NARS1: variants seen among roughly 807,000 people sequenced by gnomAD.
NARS1 encodes asparaginyl-tRNA synthetase 1.
In NARS1, 65 loss-of-function variants were observed where a neutral mutation model predicts 79.2. The ratio of observed to expected loss-of-function variants is 0.82; its 90% confidence interval spans 0.67 to 1.01. The LOEUF is 1.01. Among genes scored for constraint, NARS1 ranks in the 50% least tolerant of loss-of-function variants. The pLI is 0.00. For missense variants in NARS1, 649 were observed against 673.8 expected (o/e 0.96, Z 0.41); for synonymous variants, 229 against 238.8 (o/e 0.96, Z 0.38).
Position 57,602,949 on chromosome 18 carries a change from G to A in NARS1, c.1252-6C>T, listed in dbSNP as rs1459557240. The A allele has an allele frequency of 1.2e-6, 2 of 1,613,716 alleles. No homozygotes were observed. The highest frequency in any genetic ancestry group is 2.7e-5 in the African/African-American group (2 of 74,882). ...TCAGGAGCTTCTGGGATATCCTGAG[G>A]TCAAACAAGACTTCATTAACATTTA... On this transcript the variant is annotated splice_region_variant and splice_polypyrimidine_tract_variant and intron_variant, in intron 11 of 13. Coordinates refer to ENST00000256854, the MANE Select transcript of NARS1 (RefSeq NM_004539.4).
At chr18:57,605,542 G>A (rs1425036771) in intron 11 of NARS1, among the ~76,000 whole-genome samples, 1 of 150,340 alleles carries the variant, frequency 6.7e-6, no homozygotes, top group Admixed American at 6.7e-5. Context: ...AGGAGGCGGA[G>A]GTTGCAGTGA....
In NARS1 at chr18:57,607,306, G is replaced by C. The variant is rs774698972; in HGVS notation, c.829C>G (p.Gln277Glu). Residue 277 changes from glutamine (Q) to glutamate (E), a missense_variant, in exon 9 of 14, where the codon CAA becomes GAA. By Grantham distance (29) the Gln-to-Glu change is conservative (BLOSUM62 2). Coordinates refer to ENST00000256854, the MANE Select transcript of NARS1 (RefSeq NM_004539.4). ...EVTPPTLVQT[Q>E]VEGGATLFKL... ...AAGAGTGTGGCACCACCTTCTACTT[G>C]TGTTTGCACTAATGTTGGAGGAGTA... The C allele has an allele frequency of 3.7e-6, 6 of 1,614,122 alleles. No individual in the cohort carries two copies. The highest frequency in any genetic ancestry group is 5.1e-6 in the Non-Finnish European group (6 of 1,180,016).
intron 8 of NARS1, 50 bp from the exon 9 acceptor site, chr18:57,607,383 A>G (rs779729884): frequency 1.2e-6 from 2 of 1,610,572 alleles, no homozygotes; most frequent in East Asian, 2.2e-5. Context: ...GAGCACCACT[A>G]TTCAAGTTTC....
At chr18:57,607,034 GT>G (rs1268256784) in intron 9 of NARS1, 99 bp downstream of exon 9, 7 of 1,274,014 alleles carry the variant, frequency 5.5e-6, no homozygotes, top group Non-Finnish European at 7.6e-6. Context: ...TAATATATCA[GT>G]TGGTTTTTTT....
chr18:57,602,673 GA>G, intron 12 of NARS1, 138 bp downstream of exon 12: 1 of 1,270,368 alleles, frequency 7.9e-7, no homozygotes, highest in African/African-American at 1.5e-5. Flanking sequence ...AGGGGAGGGT[GA>G]AAAAACCCAA....
In NARS1 at chr18:57,601,756, C is replaced by G; in HGVS notation, c.1543G>C (p.Gly515Arg). 1 of 1,613,530 alleles carries G rather than the reference C, an allele frequency of 6.2e-7. No homozygotes were observed. The highest frequency in any genetic ancestry group is 8.5e-7 in the Non-Finnish European group (1 of 1,179,496). Residue 515 changes from glycine (G) to arginine (R), a missense_variant, in exon 14 of 14, where the codon GGA becomes CGA. Transcript: ENST00000256854. ...AATCGTTCCAAGCCCAAGCCATATC[C>G]TCCATGGGGACATGTACCGTATTTT... Reference protein sequence around the residue: ...QRKYGTCPHGGYGLGLERFLT... With the variant: ...QRKYGTCPHGRYGLGLERFLT...
intron 10 of NARS1, 84 bp from the exon 11 acceptor site, chr18:57,606,054 A>G (rs886700707): frequency 8.9e-5 from 81 of 913,396 alleles, no homozygotes; most frequent in Non-Finnish European, 1.3e-4. Flanking sequence ...AAACTATTAT[A>G]AAGTATTACT....
Position 57,615,873 on chromosome 18 carries a change from T to A in NARS1, c.196A>T (p.Ile66Phe). 5 of 1,613,614 alleles carry A rather than the reference T, an allele frequency of 3.1e-6. No individual in the cohort carries two copies. Among genetic ancestry groups the A allele is most frequent in the Non-Finnish European group, 3.4e-6 (4 of 1,179,846 alleles). The change falls in exon 3 of 14, where the codon ATT becomes TTT. Residue 66 changes from isoleucine to phenylalanine, a missense_variant. Transcript: ENST00000256854. Reference protein sequence around the residue: ...NVISKSQLKNIKKMWHREQMK... With the variant: ...NVISKSQLKNFKKMWHREQMK... ...TGTTCCCTATGCCACATCTTTTTAA[T>A]GTTCTTCAACTGTGATTTAGAAATA...
At chr18:57,605,039 G>A (rs573807710) in intron 11 of NARS1, among the ~76,000 whole-genome samples, 6 of 149,614 alleles carry the variant, frequency 4.0e-5, no homozygotes, top group South Asian at 2.1e-4. Flanking sequence ...CTTCTTTCTC[G>A]CCTTCCACAT....
At chr18:57,604,590 C>A (rs915729241) in intron 11 of NARS1, among the ~76,000 whole-genome samples, 3 of 152,168 alleles carry the variant, frequency 2.0e-5, no homozygotes, top group African/African-American at 7.2e-5. Flanking sequence ...GAGGGCCTAG[C>A]ATAGTCTTGG....
chr18:57,616,151 G>A, intron 2 of NARS1, 176 bp from the exon 3 acceptor site: 1 of 600,040 alleles, frequency 1.7e-6, no homozygotes, highest in Non-Finnish European at 2.8e-6. Context: ...GGTTGGCTGG[G>A]CGCGGTGGCT....
rs1480050875 is a variant in NARS1 at position 57,603,035 on chromosome 18, T to A, written c.1252-92A>T. 3.9e-6 allele frequency: 5 copies of A among 1,274,902 alleles called. 1 individual carries two copies. In the East Asian group the frequency reaches 1.2e-4, roughly 30 times the overall value. 79.0% of individuals were successfully genotyped at this position (1,274,902 alleles called of 1,614,324 possible). A position where few individuals can be genotyped will look rare whatever the true frequency, so the allele number is the denominator to read the frequency against. On this transcript the variant is annotated intron_variant, in intron 11 of 13. Transcript: ENST00000256854. ...CACCCTGTACCAGTCCTTCCTCCTA[T>A]CAATTCAACAGAGTAGAGGATACAC...
chr18:57,607,065 A>G, intron 9 of NARS1, 69 bp downstream of exon 9: 2 of 1,429,610 alleles, frequency 1.4e-6, no homozygotes, highest in Admixed American at 4.4e-5. Context: ...AACATAATTT[A>G]CCTACACTAA....
intron 1 of NARS1, 145 bp downstream of exon 1, chr18:57,621,563 T>TCC: frequency 3.3e-6 from 1 of 300,804 alleles, no homozygotes; most frequent in Admixed American, 3.7e-5. Flanking sequence ...GCCAGCACCC[T>TCC]CCCTCCCTCC....
chr18:57,610,289 TG>T lies in NARS1; in HGVS notation c.493-847del, dbSNP rs561322554. Reference sequence around the variant, plus strand: ...GAGTTCAAGACCAGCCTGGCCAACATGGCAAAAACCTGTCTCTACTAAAAAT... The same window carrying T: ...GAGTTCAAGACCAGCCTGGCCAACATGCAAAAACCTGTCTCTACTAAAAAT... On this transcript the variant is annotated intron_variant, in intron 6 of 13. Coordinates refer to ENST00000256854, the MANE Select transcript of NARS1 (RefSeq NM_004539.4). Among the ~76,000 whole-genome samples the T allele has an allele frequency of 2.1e-3, 326 of 152,172 alleles. 1 individual carries two copies. Among genetic ancestry groups the T allele is most frequent in the Admixed American group, 4.6e-3 (70 of 15,290 alleles).
chr18:57,617,482 G>GA (rs1205175115), intron 2 of NARS1, among the ~76,000 whole-genome samples: 1 of 149,300 alleles, frequency 6.7e-6, no homozygotes, highest in Non-Finnish European at 1.5e-5. Flanking sequence ...TGAGGCAGGA[G>GA]AATGGCGTGA....
chr18:57,602,467 T>C lies in NARS1; in HGVS notation c.1403A>G (p.Asn468Ser), dbSNP rs182629969. Reference protein sequence around the residue: ...LTESVDVLMPNVGEIVGGSMR... With the variant: ...LTESVDVLMPSVGEIVGGSMR... ...TGAGCCTCCCACAATCTCACCAACA[T>C]TGGGCATCAACACGTCGACCTTTAA... The change falls in exon 13 of 14, where the codon AAT (asparagine) becomes AGT (serine). Residue 468 changes from asparagine (N) to serine (S), a missense_variant. Transcript: ENST00000256854. 121 of 1,613,766 alleles carry C rather than the reference T, an allele frequency of 7.5e-5. No individual in the cohort carries two copies. The East Asian group carries it at 2.2e-3, about 29-fold the overall frequency.
chr18:57,601,584 T>G lies in NARS1; in HGVS notation c.*68A>C. On this transcript the variant is annotated 3_prime_UTR_variant, in exon 14 of 14. Transcript: ENST00000256854. Reference sequence around the variant, plus strand: ...GAAACAAAAAAAGGAAGATTCTGGCTTTTTGTTTTCTTTTTTAAAGAGCCT... The same window carrying G: ...GAAACAAAAAAAGGAAGATTCTGGCGTTTTGTTTTCTTTTTTAAAGAGCCT... 1 of 1,461,642 alleles carries G rather than the reference T, an allele frequency of 6.8e-7. No homozygotes were observed. The highest frequency in any genetic ancestry group is 9.2e-7 in the Non-Finnish European group (1 of 1,083,786). 90.5% of individuals were successfully genotyped at this position (1,461,642 alleles called of 1,614,324 possible).
Position 57,605,837 on chromosome 18 carries a change from TGA to T in NARS1, c.1251+18_1251+19del, listed in dbSNP as rs756055309. On this transcript the variant is annotated intron_variant, in intron 11 of 13. Transcript: ENST00000256854. ...GAGCCCAATCCCACCTTGGAAACAATGAGAGAAAGGGATACATACTTCTCCAA... is the reference window on the plus strand; with the variant it reads ...GAGCCCAATCCCACCTTGGAAACAATGAGAAAGGGATACATACTTCTCCAA... The T allele has an allele frequency of 6.6e-7, 1 of 1,509,420 alleles. No individual in the cohort carries two copies. Among genetic ancestry groups the T allele is most frequent in the Non-Finnish European group, 9.1e-7 (1 of 1,096,646 alleles). The allele number at this position is 1,509,420 out of a possible 1,614,324, so 93.5% of individuals were successfully genotyped here. A position where few individuals can be genotyped will look rare whatever the true frequency, so the allele number is the denominator to read the frequency against.
Sources: allele counts gnomAD v4.1 joint callset (sites outside exome capture counted in the v4.1 genomes callset), GRCh38; gene constraint gnomAD v4.1.1; transcripts MANE v1.5; gene names NCBI Gene and HGNC (gene_info 2026-07-23, HGNC 2026-07-21).